The following ALCAM variants were observed in gnomAD, a reference collection of about 807,000 sequenced individuals.
The protein encoded by ALCAM is CD166 antigen.
A neutral mutation model predicts 70.9 loss-of-function variants in ALCAM; 30 were observed. That is an observed-to-expected ratio of 0.42 (90% CI 0.32 to 0.57). The LOEUF is 0.57. ALCAM is among the 20% of genes least tolerant of loss of function. ALCAM has a pLI of 0.11. For missense variants in ALCAM, 591 were observed against 695.1 expected (o/e 0.85, Z 1.68); for synonymous variants, 249 against 242.5 (o/e 1.03, Z -0.25).
intron 14 of ALCAM, among the ~76,000 whole-genome samples, chr3:105,568,059 TTTTA>T (rs1292732012): frequency 6.8e-5 from 6 of 87,934 alleles, no homozygotes; most frequent in African/African-American, 1.8e-4. Context: ...TTTTATTTTA[TTTTA>T]TTTTTTTTTT....
At chr3:105,562,579 T>C (rs895339855) in intron 14 of ALCAM, among the ~76,000 whole-genome samples, 5 of 152,186 alleles carry the variant, frequency 3.3e-5, no homozygotes, top group Admixed American at 6.5e-5. Flanking sequence ...TCATGAGGAA[T>C]ATTGGTCTGT....
At chr3:105,566,392 T>TAAGC (rs1233850079) in intron 14 of ALCAM, among the ~76,000 whole-genome samples, 3 of 152,232 alleles carry the variant, frequency 2.0e-5, no homozygotes, top group Admixed American at 2.0e-4. Flanking sequence ...TGCATATACT[T>TAAGC]ACAATTGTTA....
rs564651784 is a variant in ALCAM at position 105,543,116 on chromosome 3, C to T, written c.991+1351C>T. On this transcript the variant is annotated intron_variant, in intron 8 of 15. Coordinates refer to ENST00000306107, the MANE Select transcript of ALCAM (RefSeq NM_001627.4). ...AGTGCCTTAGAGATGGTGTGATGTG[C>T]TTATTTTTAAGAGATGCAAGGTACA... Among the ~76,000 whole-genome samples, 7 of 151,678 alleles carry T rather than the reference C, an allele frequency of 4.6e-5. No homozygotes were observed. In the South Asian group the frequency reaches 1.5e-3, roughly 31 times the overall value.
At chr3:105,375,630 C>G (rs2107323585) in intron 1 of ALCAM, among the ~76,000 whole-genome samples, 1 of 152,298 alleles carries the variant, frequency 6.6e-6, no homozygotes, top group South Asian at 2.1e-4. Context: ...GGGAGCTACA[C>G]TTAGCTACGG....
chr3:105,426,192 A>T (rs1380423407), intron 1 of ALCAM, among the ~76,000 whole-genome samples: 1 of 151,904 alleles, frequency 6.6e-6, no homozygotes, highest in Non-Finnish European at 1.5e-5. Context: ...TCTGGGCCTT[A>T]GTGTTCTAAC....
At chr3:105,385,260 G>T (rs2107342346) in intron 1 of ALCAM, among the ~76,000 whole-genome samples, 1 of 151,692 alleles carries the variant, frequency 6.6e-6, no homozygotes, top group East Asian at 1.9e-4. Context: ...AATAGGATTA[G>T]ATTGAAAAGC....
intron 1 of ALCAM, among the ~76,000 whole-genome samples, chr3:105,409,684 T>C (rs952212585): frequency 6.6e-6 from 1 of 151,940 alleles, no homozygotes; most frequent in Non-Finnish European, 1.5e-5. Flanking sequence ...AAACACCACC[T>C]GTTCCCCAAA....
At chr3:105,516,546 A>G (rs1939383042) in intron 1 of ALCAM, among the ~76,000 whole-genome samples, 2 of 151,966 alleles carry the variant, frequency 1.3e-5, no homozygotes, top group Non-Finnish European at 2.9e-5. Context: ...TTGTAATTCT[A>G]TTGTTCTTTA....
At chr3:105,378,618 G>C (rs1441753960) in intron 1 of ALCAM, among the ~76,000 whole-genome samples, 1 of 121,782 alleles carries the variant, frequency 8.2e-6, no homozygotes, top group East Asian at 2.5e-4. Flanking sequence ...ATACTGGCTA[G>C]TTCTCAAATA....
chr3:105,476,381 A>T (rs1938110865), intron 1 of ALCAM, among the ~76,000 whole-genome samples: 1 of 152,038 alleles, frequency 6.6e-6, no homozygotes, highest in African/African-American at 2.4e-5. Flanking sequence ...ATACCTCTAA[A>T]TCAAAACACT....
At chr3:105,374,861 C>A (rs545041445) in intron 1 of ALCAM, among the ~76,000 whole-genome samples, 68 of 152,292 alleles carry the variant, frequency 4.5e-4, no homozygotes, top group African/African-American at 1.6e-3. Flanking sequence ...AGAGGATGCA[C>A]TAGCTGGAAG....
At chr3:105,448,905 G>A (rs1267362824) in intron 1 of ALCAM, among the ~76,000 whole-genome samples, 1 of 152,160 alleles carries the variant, frequency 6.6e-6, no homozygotes, top group African/African-American at 2.4e-5. Flanking sequence ...TCAACAATGG[G>A]GGCAGGGCTT....
chr3:105,495,450 A>G (rs200511005), intron 1 of ALCAM, among the ~76,000 whole-genome samples: 1 of 150,916 alleles, frequency 6.6e-6, no homozygotes, highest in Non-Finnish European at 1.5e-5. Context: ...CAAAAAAAAA[A>G]CAAAACAAAA....
chr3:105,554,289 C>G (rs1940472177), intron 14 of ALCAM, among the ~76,000 whole-genome samples: 1 of 151,816 alleles, frequency 6.6e-6, no homozygotes, highest in African/African-American at 2.4e-5. Context: ...GGCTAAAACC[C>G]AGGAAGAACT....
At chr3:105,442,642 G>A (rs1399157031) in intron 1 of ALCAM, among the ~76,000 whole-genome samples, 1 of 151,938 alleles carries the variant, frequency 6.6e-6, no homozygotes, top group African/African-American at 2.4e-5. Flanking sequence ...TTAGGCGGGC[G>A]TGGTGGCGGG....
chr3:105,547,281 G>A lies in ALCAM; in HGVS notation c.1237G>A (p.Glu413Lys), dbSNP rs750217059. 1.9e-6 allele frequency: 3 copies of A among 1,589,752 alleles called. No individual in the cohort carries two copies. Among genetic ancestry groups the A allele is most frequent in the East Asian group, 2.2e-5 (1 of 44,616 alleles). Reference protein sequence around the residue: ...KKRESLTLIVEGKPQIKMTKK... With the variant: ...KKRESLTLIVKGKPQIKMTKK... ...AAGAGAGTCATTGACTCTCATTGTA[G>A]AAGGTAATAAAATACTTGGGCACTA... The change falls in exon 10 of 16, where the codon GAA (glutamate) becomes AAA (lysine). Residue 413 changes from glutamate to lysine, a missense_variant. Around this residue, in one of 2 missense-constraint regions of ALCAM, gnomAD observed 164 missense variants for 244.7 expected, o/e 0.67. Coordinates refer to ENST00000306107, the MANE Select transcript of ALCAM (RefSeq NM_001627.4).
chr3:105,503,431 C>T (rs576090728), intron 1 of ALCAM, among the ~76,000 whole-genome samples: 5 of 152,284 alleles, frequency 3.3e-5, no homozygotes, highest in African/African-American at 9.6e-5. Flanking sequence ...GACTGAGGCT[C>T]ATATCGATTC....
At chr3:105,451,865 G>A (rs1381689745) in intron 1 of ALCAM, among the ~76,000 whole-genome samples, 1 of 152,086 alleles carries the variant, frequency 6.6e-6, no homozygotes, top group Non-Finnish European at 1.5e-5. Context: ...ACACTGCGTT[G>A]GTTTGCCACC....
At chr3:105,423,203 A>G (rs1936712325) in intron 1 of ALCAM, among the ~76,000 whole-genome samples, 1 of 151,402 alleles carries the variant, frequency 6.6e-6, no homozygotes, top group African/African-American at 2.4e-5. Context: ...TTAGTTCACT[A>G]CTATAATATC....
Sources: allele counts gnomAD v4.1 joint callset (sites outside exome capture counted in the v4.1 genomes callset), GRCh38; gene constraint gnomAD v4.1.1; regional missense constraint gnomAD v4.1.1; transcripts MANE v1.5; gene names NCBI Gene and HGNC (gene_info 2026-07-23, HGNC 2026-07-21).